The following EPAS1 variants were observed in gnomAD, a reference collection of about 807,000 sequenced individuals.
The protein encoded by EPAS1 is endothelial PAS domain-containing protein 1.
EPAS1 carries 23 observed loss-of-function variants against 87.9 expected under a neutral mutation model. The observed-to-expected ratio is 0.26, with a 90% CI of 0.19 to 0.37. The LOEUF is 0.37. Among genes scored for constraint, EPAS1 ranks in the 10% least tolerant of loss-of-function variants. The pLI is 1.00. For missense variants in EPAS1, 1,138 were observed against 1,120.7 expected (o/e 1.02, Z -0.22); for synonymous variants, 508 against 444.3 (o/e 1.14, Z -1.80).
intron 4 of EPAS1, among the ~76,000 whole-genome samples, chr2:46,357,679 G>C (rs887196864): frequency 1.3e-5 from 2 of 152,210 alleles, no homozygotes; most frequent in African/African-American, 4.8e-5. Context: ...TTTTGGAGAA[G>C]AGCTACCACA....
chr2:46,352,360 T>C (rs1224025643), intron 2 of EPAS1, among the ~76,000 whole-genome samples: 1 of 152,226 alleles, frequency 6.6e-6, no homozygotes, highest in Non-Finnish European at 1.5e-5. Flanking sequence ...TCCCTGATTC[T>C]CCTTAAGACA....
rs1244721894 is a variant in EPAS1, at chr2:46,384,968, CCTT to C, written c.*311_*313del. Reference sequence around the variant, plus strand: ...TCCATAGGTTTCTCTCCCTCCTTCTCCTTCTCACACACAACTGTCCATACTAAC... The same window carrying C: ...TCCATAGGTTTCTCTCCCTCCTTCTCCTCACACACAACTGTCCATACTAAC... On this transcript the variant is annotated 3_prime_UTR_variant, in exon 16 of 16. Coordinates refer to ENST00000263734, the MANE Select transcript of EPAS1 (RefSeq NM_001430.5). 7.4e-6 allele frequency: 3 copies of C among 407,296 alleles called. No individual in the cohort carries two copies. The highest frequency in any genetic ancestry group is 1.4e-5 in the Non-Finnish European group (3 of 216,026). 25.2% of individuals were successfully genotyped at this position (407,296 alleles called of 1,614,324 possible). A position where few individuals can be genotyped will look rare whatever the true frequency, so the allele number is the denominator to read the frequency against.
intron 2 of EPAS1, among the ~76,000 whole-genome samples, chr2:46,352,774 G>A (rs923415949): frequency 6.6e-6 from 1 of 152,216 alleles, no homozygotes; most frequent in African/African-American, 2.4e-5. Flanking sequence ...CCAACCTGCT[G>A]GCTTCCTGGT....
intron 1 of EPAS1, among the ~76,000 whole-genome samples, chr2:46,342,509 A>G (rs1237235972): frequency 3.3e-5 from 5 of 152,202 alleles, no homozygotes; most frequent in African/African-American, 1.2e-4. Flanking sequence ...CTTATAGGGT[A>G]ATAGGCATAT....
At chr2:46,376,825 C>G in intron 9 of EPAS1, 72 bp downstream of exon 9, 1 of 1,504,650 alleles carries the variant, frequency 6.6e-7, no homozygotes, top group South Asian at 1.1e-5. Context: ...CTATAACAGG[C>G]CTCCCTGGCT....
intron 2 of EPAS1, among the ~76,000 whole-genome samples, chr2:46,353,832 A>G (rs973305235): frequency 7.2e-5 from 11 of 152,368 alleles, no homozygotes; most frequent in African/African-American, 2.6e-4. Context: ...CGCCTGAACC[A>G]GGGTGTGCAG....
chr2:46,310,135 G>T (rs1459598916), intron 1 of EPAS1, among the ~76,000 whole-genome samples: 2 of 152,162 alleles, frequency 1.3e-5, no homozygotes, highest in Non-Finnish European at 2.9e-5. Context: ...TGCATGGAGT[G>T]GGAGCTGGAA....
intron 7 of EPAS1, among the ~76,000 whole-genome samples, chr2:46,372,755 A>T (rs1291514014): frequency 8.5e-5 from 13 of 152,266 alleles, no homozygotes; most frequent in Admixed American, 8.5e-4. Flanking sequence ...TGCAATTGTT[A>T]GAAATGCACT....
At chr2:46,374,197 G>T (rs1164819446) in intron 7 of EPAS1, among the ~76,000 whole-genome samples, 1 of 152,212 alleles carries the variant, frequency 6.6e-6, no homozygotes, top group Non-Finnish European at 1.5e-5. Flanking sequence ...TATGAAGAGA[G>T]CCATGTTCCT....
chr2:46,322,550 C>G (rs188535616), intron 1 of EPAS1, among the ~76,000 whole-genome samples: 6 of 152,306 alleles, frequency 3.9e-5, no homozygotes, highest in Admixed American at 2.0e-4. Context: ...GTGTGCATTT[C>G]TAACAAGTTC....
Position 46,375,811 on chromosome 2 carries a change from C to T in EPAS1, c.1008C>T (p.Cys336=), listed in dbSNP as rs1467530095. Residue 336 remains cysteine, a synonymous_variant, in exon 8 of 16, where the codon TGC becomes TGT. Transcript: ENST00000263734. This position sits in a 1 kb window ranked among gnomAD's most constrained non-coding sequence, Gnocchi z 4.1. ...ACCCTCGCAACCTGCAGCCCCAGTG[C>T]ATCATGTGTGTCAACTACGTCCTGA... The part of the protein sequence containing the change: ...IYNPRNLQPQ[C]IMCVNYVLSE... 1 of 1,614,224 alleles carries T rather than the reference C, an allele frequency of 6.2e-7. No individual in the cohort carries two copies.
intron 1 of EPAS1, 76 bp downstream of exon 1, chr2:46,298,013 A>G: frequency 6.4e-7 from 1 of 1,562,670 alleles, no homozygotes; most frequent in Non-Finnish European, 8.7e-7. Flanking sequence ...CGCGACCGAG[A>G]GTGGTTGGGA....
chr2:46,376,591 T>G lies in EPAS1; in HGVS notation c.1087T>G (p.Phe363Val). ...CTCCATGGACCAGACTGAATCCCTGTTCAAGCCCCACCTGATGGCCATGAA... is the reference window on the plus strand; with the variant it reads ...CTCCATGGACCAGACTGAATCCCTGGTCAAGCCCCACCTGATGGCCATGAA... ...VFSMDQTESL[F>V]KPHLMAMNSI... The change falls in exon 9 of 16, where the codon TTC (phenylalanine) becomes GTC (valine). Residue 363 changes from phenylalanine (F) to valine (V), a missense_variant. Around this residue, in one of 4 missense-constraint regions of EPAS1, gnomAD observed 284 missense variants for 258.4 expected, o/e 1.10. Transcript: ENST00000263734. 6.2e-7 allele frequency: 1 copy of G among 1,614,164 alleles called. No homozygotes were observed. Among genetic ancestry groups the G allele is most frequent in the Middle Eastern group, 1.6e-4 (1 of 6,062 alleles).
intron 9 of EPAS1, 130 bp from the exon 10 acceptor site, chr2:46,377,764 T>C: frequency 1.4e-6 from 2 of 1,480,954 alleles, no homozygotes; most frequent in South Asian, 2.4e-5. Flanking sequence ...CCCAGGGTGT[T>C]GGGGGGGCCT....
At position 46,362,270 on chromosome 2, in the gene EPAS1, T is replaced by G. The variant is rs566986358; in HGVS notation, c.779+1180T>G. Among the ~76,000 whole-genome samples, 117 of 152,362 alleles carry G rather than the reference T, an allele frequency of 7.7e-4. 1 individual carries two copies. Among genetic ancestry groups the G allele is most frequent in the African/African-American group, 2.8e-3 (115 of 41,584 alleles). On this transcript the variant is annotated intron_variant, in intron 6 of 15. Coordinates refer to ENST00000263734, the MANE Select transcript of EPAS1 (RefSeq NM_001430.5). Reference sequence around the variant, plus strand: ...AGTTTCCCCTTCTCCAAAATAGAGATAACACTTTCTAACCTGTTTCATGGG... The same window carrying G: ...AGTTTCCCCTTCTCCAAAATAGAGAGAACACTTTCTAACCTGTTTCATGGG...
At chr2:46,331,060 A>T (rs1179989525) in intron 1 of EPAS1, among the ~76,000 whole-genome samples, 1 of 152,126 alleles carries the variant, frequency 6.6e-6, no homozygotes, top group East Asian at 1.9e-4. Context: ...CTCTGCATAC[A>T]TGTATATATT....
At chr2:46,353,400 C>A (rs1684210625) in intron 2 of EPAS1, among the ~76,000 whole-genome samples, 1 of 152,170 alleles carries the variant, frequency 6.6e-6, no homozygotes, top group Admixed American at 6.5e-5. Flanking sequence ...GGGCGTGCAG[C>A]ACAGGCAGTC....
In EPAS1 at chr2:46,378,646, C is replaced by G; in HGVS notation, c.1444-11C>G. The G allele has an allele frequency of 6.2e-7, 1 of 1,612,140 alleles. No individual in the cohort carries two copies. The highest frequency in any genetic ancestry group is 1.1e-5 in the South Asian group (1 of 91,008). ...ATCTTTGACTCTGTCCCCCTCCTTC[C>G]TGGCCCCTAGCCCAATAGCCCTGAA... On this transcript the variant is annotated splice_polypyrimidine_tract_variant and intron_variant, in intron 10 of 15. Coordinates refer to ENST00000263734, the MANE Select transcript of EPAS1 (RefSeq NM_001430.5).
Position 46,376,527 on chromosome 2 carries a change from C to T in EPAS1, c.1035-12C>T, listed in dbSNP as rs2103664085. On this transcript the variant is annotated splice_polypyrimidine_tract_variant and intron_variant, in intron 8 of 15. Coordinates refer to ENST00000263734, the MANE Select transcript of EPAS1 (RefSeq NM_001430.5). ...ATGTGGAAAGTCTGAATGGCTCTTT[C>T]CCCCCCATTAGTGAGATTGAGAAGA... The T allele has an allele frequency of 1.2e-6, 2 of 1,612,498 alleles. No homozygotes were observed. The highest frequency in any genetic ancestry group is 1.7e-5 in the Admixed American group (1 of 60,008).
Sources: gnomAD v4.1 joint callset for allele counts (sites outside exome capture counted in the v4.1 genomes callset) on GRCh38, gnomAD v4.1.1 for gene constraint, gnomAD v4.1.1 regional missense constraint, Gnocchi (gnomAD v3.1) non-coding constraint, MANE v1.5 for transcripts, NCBI Gene and HGNC (gene_info 2026-07-23, HGNC 2026-07-21) for gene names.